Variants in CDK14 observed in about 807,000 individuals in gnomAD.
The protein encoded by CDK14 is cyclin-dependent kinase 14.
In CDK14, 34 loss-of-function variants were observed where a neutral mutation model predicts 60.7. The ratio of observed to expected loss-of-function variants is 0.56; its 90% confidence interval spans 0.43 to 0.75. The LOEUF (loss-of-function observed/expected upper bound fraction) is 0.75, where lower values mean the gene tolerates loss of function less well. CDK14 is among the 30% of genes least tolerant of loss of function. The pLI is 0.00. For missense variants in CDK14, 482 were observed against 564.1 expected, an observed-to-expected ratio of 0.85 and a Z score of 1.47; for synonymous variants, 197 against 203.7, an observed-to-expected ratio of 0.97 and a Z score of 0.28.
At chr7:91,057,705 C>T (rs2116090994) in intron 11 of CDK14, among the ~76,000 whole-genome samples, 1 of 152,292 alleles carries the variant, frequency 6.6e-6, no homozygotes, top group South Asian at 2.1e-4. Flanking sequence ...TGTCAAAGAT[C>T]AGATAGTTGT....
At chr7:90,984,324 A>G in intron 10 of CDK14, 83 bp downstream of exon 10, 1 of 859,508 alleles carries the variant, frequency 1.2e-6, no homozygotes, top group South Asian at 1.4e-5. Flanking sequence ...GTCTGTGGAA[A>G]AATAATTTAA....
intron 5 of CDK14, among the ~76,000 whole-genome samples, chr7:90,824,967 G>A (rs954064231): frequency 1.3e-5 from 2 of 152,086 alleles, no homozygotes; most frequent in Non-Finnish European, 2.9e-5. Context: ...TGCTAGATTC[G>A]TAGTTTGTGG....
chr7:91,018,414 A>G (rs1796354265), intron 10 of CDK14, among the ~76,000 whole-genome samples: 1 of 152,222 alleles, frequency 6.6e-6, no homozygotes, highest in Non-Finnish European at 1.5e-5. Context: ...AGGCCCTGGC[A>G]TATTTGGTAT....
chr7:90,669,471 A>G (rs1801055447), intron 2 of CDK14, among the ~76,000 whole-genome samples: 1 of 152,232 alleles, frequency 6.6e-6, no homozygotes, highest in South Asian at 2.1e-4. Context: ...ACACAGACCC[A>G]AAAAGGGTCA....
At chr7:91,036,627 C>T (rs1796942297) in intron 10 of CDK14, among the ~76,000 whole-genome samples, 1 of 152,166 alleles carries the variant, frequency 6.6e-6, no homozygotes, top group African/African-American at 2.4e-5. Context: ...CTTTATGTTT[C>T]ACTTCCACTT....
intron 2 of CDK14, among the ~76,000 whole-genome samples, chr7:90,675,817 A>G (rs769144760): frequency 3.9e-5 from 6 of 152,210 alleles, no homozygotes; most frequent in Admixed American, 1.3e-4. Flanking sequence ...GCTTCTGCTT[A>G]TTGATTTGTT....
rs186566242 is a variant in CDK14 at position 90,700,426 on chromosome 7, C to T, written c.124-26141C>T. On this transcript the variant is annotated intron_variant, in intron 2 of 14. Transcript: ENST00000380050. ...ACATCTTTGAACCATATGTTCAAAC[C>T]GTACTTGGAGTACTTGGCAGAGTAC... Among the ~76,000 whole-genome samples the T allele has an allele frequency of 5.3e-5, 8 of 152,198 alleles. No individual in the cohort carries two copies. The East Asian group carries it at 7.7e-4, about 15-fold the overall frequency.
At chr7:90,772,620 C>T (rs1245275487) in intron 4 of CDK14, among the ~76,000 whole-genome samples, 4 of 152,142 alleles carry the variant, frequency 2.6e-5, no homozygotes, top group Admixed American at 6.5e-5. Context: ...AAGTGAGGAA[C>T]GTGCTTGCTT....
intron 7 of CDK14, among the ~76,000 whole-genome samples, chr7:90,899,683 A>C (rs1294156007): frequency 1.3e-5 from 2 of 152,056 alleles, no homozygotes; most frequent in Non-Finnish European, 2.9e-5. Context: ...TGGAACCCAT[A>C]CTGATGTACC....
At chr7:91,132,255 G>A (rs143795600) in intron 14 of CDK14, among the ~76,000 whole-genome samples, 1 of 152,270 alleles carries the variant, frequency 6.6e-6, no homozygotes, top group African/African-American at 2.4e-5. Flanking sequence ...ACAAAAGAAG[G>A]CATTGGATTT....
At chr7:90,952,229 C>G (rs980515880) in intron 8 of CDK14, among the ~76,000 whole-genome samples, 1 of 152,008 alleles carries the variant, frequency 6.6e-6, no homozygotes, top group Admixed American at 6.6e-5. Context: ...GGCTGGTCTG[C>G]GTAGGGAAAA....
At chr7:91,146,430 ACC>A (rs200249354) in intron 14 of CDK14, among the ~76,000 whole-genome samples, 7,296 of 152,044 alleles carry the variant, frequency 0.048, 432 homozygotes, top group East Asian at 0.31. Context: ...TGAACTCATG[ACC>A]TCAGGTGATC....
intron 9 of CDK14, among the ~76,000 whole-genome samples, chr7:90,973,130 C>T (rs1223729875): frequency 6.6e-6 from 1 of 152,186 alleles, no homozygotes; most frequent in African/African-American, 2.4e-5. Context: ...GAATCAGAAA[C>T]AGCTTGACAC....
At chr7:90,768,577 T>C (rs1196525601) in intron 4 of CDK14, among the ~76,000 whole-genome samples, 2 of 152,232 alleles carry the variant, frequency 1.3e-5, no homozygotes, top group Non-Finnish European at 2.9e-5. Context: ...TTGGAGCCAT[T>C]CCATTATCTG....
chr7:90,785,573 C>A (rs1805541076), intron 4 of CDK14, among the ~76,000 whole-genome samples: 1 of 151,992 alleles, frequency 6.6e-6, no homozygotes, highest in African/African-American at 2.4e-5. Flanking sequence ...ATCACGAGGT[C>A]AGGAGATGGA....
chr7:90,833,866 C>T (rs1790001277), intron 5 of CDK14, among the ~76,000 whole-genome samples: 1 of 152,112 alleles, frequency 6.6e-6, no homozygotes, highest in Non-Finnish European at 1.5e-5. Flanking sequence ...AATGAACAAA[C>T]CCCTCATACC....
At chr7:90,926,788 A>G (rs967464399) in intron 8 of CDK14, among the ~76,000 whole-genome samples, 4 of 152,134 alleles carry the variant, frequency 2.6e-5, no homozygotes, top group African/African-American at 7.2e-5. Context: ...CTGCAAGACT[A>G]CCTCCGCTTT....
At chr7:90,631,936 G>A (rs1800006816) in intron 2 of CDK14, 1 of 152,278 alleles carries the variant, frequency 6.6e-6, no homozygotes, top group Admixed American at 6.5e-5. Context: ...TGATGACACT[G>A]AAGGTGTTTC....
chr7:90,719,570 A>G (rs1436058449), intron 2 of CDK14, among the ~76,000 whole-genome samples: 2 of 152,164 alleles, frequency 1.3e-5, no homozygotes, highest in Non-Finnish European at 2.9e-5. Flanking sequence ...ATTTCTAACA[A>G]TTTTTACTCA....
Sources: allele counts gnomAD v4.1 joint callset (sites outside exome capture counted in the v4.1 genomes callset), GRCh38; gene constraint gnomAD v4.1.1; transcripts MANE v1.5; gene names NCBI Gene and HGNC (gene_info 2026-07-23, HGNC 2026-07-21).